The following ACOXL variants were observed in gnomAD, a reference collection of about 807,000 sequenced individuals.
ACOXL encodes the protein acyl-CoA oxidase like, also known as acyl-coenzyme A oxidase-like protein.
ACOXL carries 70 observed loss-of-function variants against 71.9 expected under a neutral mutation model. The ratio of observed to expected loss-of-function variants is 0.97; its 90% CI spans 0.80 to 1.19. The LOEUF (loss-of-function observed/expected upper bound fraction) is 1.19, where lower values mean the gene tolerates loss of function less well. Among genes scored for constraint, ACOXL ranks in the 50% most tolerant of loss-of-function variants. The probability of loss-of-function intolerance (pLI) is 0.00; values close to 1 mark genes in which losing one functional copy is unlikely to be tolerated. For synonymous variants in ACOXL, 253 were observed against 281.6 expected (o/e 0.90, Z 1.02); for missense variants, 703 against 736.3 (o/e 0.95, Z 0.52).
chr2:110,940,195 A>G (rs1212097546), intron 12 of ACOXL, among the ~76,000 whole-genome samples: 1 of 152,202 alleles, frequency 6.6e-6, no homozygotes, highest in Non-Finnish European at 1.5e-5. Flanking sequence ...GTCATGATAC[A>G]GTAAGTTGAT....
Position 110,794,031 on chromosome 2 carries a change from A to G in ACOXL, c.247-45A>G, listed in dbSNP as rs541265952. On this transcript the variant is annotated intron_variant, in intron 4 of 17. Transcript: ENST00000439055. ...GTCCGAGGGGTCTGCATTTGGAGCAACTGCCTGACCAGCTAATTCCCTTCT... is the reference window on the plus strand; with the variant it reads ...GTCCGAGGGGTCTGCATTTGGAGCAGCTGCCTGACCAGCTAATTCCCTTCT... 8.3e-4 allele frequency: 1,330 copies of G among 1,595,750 alleles called. 23 individuals carry two copies. In the South Asian group the frequency reaches 0.013, roughly 16 times the overall value.
chr2:111,025,352 T>G (rs922685217), intron 14 of ACOXL, among the ~76,000 whole-genome samples: 1 of 152,146 alleles, frequency 6.6e-6, no homozygotes, highest in African/African-American at 2.4e-5. Context: ...TACCGAGGGG[T>G]GGAATGGCTG....
chr2:110,874,196 C>T (rs550504898), intron 10 of ACOXL, among the ~76,000 whole-genome samples: 5 of 152,174 alleles, frequency 3.3e-5, no homozygotes, highest in Non-Finnish European at 7.3e-5. Flanking sequence ...ACAACGGAAC[C>T]GAACAGAATG....
chr2:110,801,754 T>C (rs1159457892), intron 8 of ACOXL, 30 bp downstream of exon 8: 1 of 1,594,324 alleles, frequency 6.3e-7, no homozygotes, highest in Non-Finnish European at 8.6e-7. Flanking sequence ...CTCAGGTCAA[T>C]GGTGCAGATG....
intron 10 of ACOXL, among the ~76,000 whole-genome samples, chr2:110,878,099 C>T (rs1156915155): frequency 3.3e-5 from 5 of 152,154 alleles, no homozygotes; most frequent in African/African-American, 1.2e-4. Context: ...AAATCACAGG[C>T]CTTTCCTGAG....
intron 12 of ACOXL, among the ~76,000 whole-genome samples, chr2:110,958,311 G>A (rs993649533): frequency 2.6e-5 from 4 of 152,178 alleles, no homozygotes; most frequent in Non-Finnish European, 4.4e-5. Flanking sequence ...CACCTTCAGC[G>A]AAGTATCATT....
At chr2:110,991,980 C>T (rs1256435966) in intron 13 of ACOXL, among the ~76,000 whole-genome samples, 1 of 152,212 alleles carries the variant, frequency 6.6e-6, no homozygotes, top group Non-Finnish European at 1.5e-5. Flanking sequence ...TCAGTTCCAT[C>T]CTTGCAGGAA....
intron 16 of ACOXL, among the ~76,000 whole-genome samples, chr2:111,053,133 C>T (rs976322998): frequency 1.3e-5 from 2 of 152,136 alleles, no homozygotes; most frequent in African/African-American, 4.8e-5. Context: ...CCCCAAAGAC[C>T]CTTCCAGCAT....
chr2:110,800,566 C>T (rs1573576557), intron 7 of ACOXL, among the ~76,000 whole-genome samples: 1 of 150,384 alleles, frequency 6.6e-6, no homozygotes, highest in Non-Finnish European at 1.5e-5. Context: ...TTGGTGAGAT[C>T]AGGACATGCC....
intron 14 of ACOXL, among the ~76,000 whole-genome samples, chr2:111,019,090 G>A (rs1463905858): frequency 6.6e-6 from 1 of 152,098 alleles, no homozygotes; most frequent in Admixed American, 6.6e-5. Context: ...AGTCACTAAG[G>A]GCAGTCAGGT....
intron 12 of ACOXL, among the ~76,000 whole-genome samples, chr2:110,949,192 G>C (rs1401358933): frequency 1.3e-5 from 2 of 152,148 alleles, no homozygotes; most frequent in African/African-American, 2.4e-5. Flanking sequence ...AAGAAGTTCA[G>C]GCATGGTCCA....
chr2:110,998,550 A>C (rs527385038), intron 14 of ACOXL, among the ~76,000 whole-genome samples: 1 of 152,310 alleles, frequency 6.6e-6, no homozygotes, highest in South Asian at 2.1e-4. Flanking sequence ...GCTTCCCTAA[A>C]TCTGTTTCCC....
chr2:111,045,221 G>A (rs531451406), intron 15 of ACOXL, among the ~76,000 whole-genome samples: 6 of 152,290 alleles, frequency 3.9e-5, no homozygotes, highest in South Asian at 4.1e-4. Context: ...TTAGGCAGTC[G>A]ATCCCTTGAA....
At chr2:110,936,275 T>C (rs999352404) in intron 12 of ACOXL, among the ~76,000 whole-genome samples, 5 of 152,112 alleles carry the variant, frequency 3.3e-5, no homozygotes, top group Admixed American at 1.3e-4. Context: ...ACTGTTATTA[T>C]TATTATTATT....
At chr2:110,881,016 T>C (rs1351210417) in intron 10 of ACOXL, among the ~76,000 whole-genome samples, 2 of 152,206 alleles carry the variant, frequency 1.3e-5, no homozygotes, top group East Asian at 3.8e-4. Flanking sequence ...TAAAATTTTT[T>C]ATACTTTTTA....
At chr2:110,807,936 G>A (rs374389823) in intron 9 of ACOXL, among the ~76,000 whole-genome samples, 55 of 152,232 alleles carry the variant, frequency 3.6e-4, no homozygotes, top group African/African-American at 1.3e-3. Context: ...GAGCGTGCCC[G>A]GTCATTTTAA....
At chr2:110,943,526 C>G (rs984576592) in intron 12 of ACOXL, among the ~76,000 whole-genome samples, 2 of 152,088 alleles carry the variant, frequency 1.3e-5, no homozygotes, top group Non-Finnish European at 2.9e-5. Flanking sequence ...GAAGCTTCCC[C>G]AAGCAGGGTA....
At position 110,948,863 on chromosome 2, in the gene ACOXL, G is replaced by A. The variant is rs183717844; in HGVS notation, c.1059+15221G>A. ...CTGGTGCGAGCAGAGACAGTCATTCGGGGGTCTCCCCTCCAACCTGGATGC... is the reference window on the plus strand; with the variant it reads ...CTGGTGCGAGCAGAGACAGTCATTCAGGGGTCTCCCCTCCAACCTGGATGC... On this transcript the variant is annotated intron_variant, in intron 12 of 17. Transcript: ENST00000439055. Among the ~76,000 whole-genome samples, 4 of 151,914 alleles carry A rather than the reference G, an allele frequency of 2.6e-5. No individual in the cohort carries two copies. In the East Asian group the frequency reaches 7.8e-4, roughly 29 times the overall value.
Position 110,971,616 on chromosome 2 carries a change from AT to A in ACOXL, c.1060-15490del, listed in dbSNP as rs573919944. Reference sequence around the variant, plus strand: ...ATGATTAAAAAAGAACATTCTTTCCATTGTTATATATCTTAAAAAGTGTATT... The same window carrying A: ...ATGATTAAAAAAGAACATTCTTTCCATGTTATATATCTTAAAAAGTGTATT... On this transcript the variant is annotated intron_variant, in intron 12 of 17. Coordinates refer to ENST00000439055, the MANE Select transcript of ACOXL (RefSeq NM_001142807.4). Among the ~76,000 whole-genome samples, 9 of 152,346 alleles carry A rather than the reference AT, an allele frequency of 5.9e-5. No individual in the cohort carries two copies. In the East Asian group the frequency reaches 1.7e-3, roughly 29 times the overall value.
Sources: allele counts gnomAD v4.1 joint callset (sites outside exome capture counted in the v4.1 genomes callset), GRCh38; gene constraint gnomAD v4.1.1; transcripts MANE v1.5; gene names NCBI Gene and HGNC (gene_info 2026-07-23, HGNC 2026-07-21).